AGBL1: variants seen among roughly 807,000 people sequenced by gnomAD.
AGBL1 encodes the protein cytosolic carboxypeptidase 4.
A neutral mutation model predicts 118.9 loss-of-function variants in AGBL1; 130 were observed. That is an observed-to-expected ratio of 1.09 (90% CI 0.95 to 1.26). The LOEUF is 1.26. Among genes scored for constraint, AGBL1 ranks in the 50% most tolerant of loss-of-function variants. AGBL1 has a pLI of 0.00. For synonymous variants in AGBL1, 555 were observed against 478.9 expected (o/e 1.16, Z -2.08); for missense variants, 1,584 against 1,298.1 (o/e 1.22, Z -3.38).
At chr15:86,946,161 T>A (rs1450877273) in intron 23 of AGBL1, 1 of 152,236 alleles carries the variant, frequency 6.6e-6, no homozygotes, top group African/African-American at 2.4e-5. Flanking sequence ...TCACTAATTA[T>A]GATGCAATAT....
chr15:86,847,099 C>G (rs995795734), intron 22 of AGBL1, among the ~76,000 whole-genome samples: 1 of 152,114 alleles, frequency 6.6e-6, no homozygotes, highest in Non-Finnish European at 1.5e-5. Context: ...TTCTTCCACT[C>G]CAGAATTTTT....
Position 86,478,928 on chromosome 15 carries a change from A to G in AGBL1, c.2556-43882A>G, listed in dbSNP as rs369081899. On this transcript the variant is annotated intron_variant, in intron 18 of 22. Transcript: ENST00000614907. The stretch of plus-strand genomic sequence containing the variant: ...CAACAGAGCACTCAGAAAGAATACC[A>G]CACATCTACAACCATCTGATCTTTG... 9.9e-5 allele frequency among the ~76,000 whole-genome samples: 15 copies of G among 152,248 alleles called. No individual in the cohort carries two copies. In the South Asian group the frequency reaches 1.7e-3, roughly 17 times the overall value.
At chr15:86,395,153 C>T (rs1407658281) in intron 17 of AGBL1, among the ~76,000 whole-genome samples, 1 of 152,000 alleles carries the variant, frequency 6.6e-6, no homozygotes, top group African/African-American at 2.4e-5. Flanking sequence ...AGGATGAAGT[C>T]CAAATCCCTA....
intron 5 of AGBL1, among the ~76,000 whole-genome samples, chr15:86,184,745 A>G (rs756627119): frequency 8.5e-5 from 13 of 152,142 alleles, no homozygotes; most frequent in Non-Finnish European, 1.8e-4. Flanking sequence ...CATCCTCATC[A>G]AGCTACCAAT....
At chr15:86,964,383 C>G (rs1332941164) in intron 23 of AGBL1, among the ~76,000 whole-genome samples, 1 of 151,916 alleles carries the variant, frequency 6.6e-6, no homozygotes, top group Non-Finnish European at 1.5e-5. Flanking sequence ...CACTAGATGT[C>G]AGAAGCACAT....
intron 18 of AGBL1, among the ~76,000 whole-genome samples, chr15:86,468,798 A>C (rs1046183128): frequency 1.3e-5 from 2 of 152,188 alleles, no homozygotes; most frequent in African/African-American, 4.8e-5. Flanking sequence ...TAGGATAGAC[A>C]TGAGAGGGGA....
chr15:86,963,078 G>C (rs1368576810), intron 23 of AGBL1, among the ~76,000 whole-genome samples: 1 of 152,050 alleles, frequency 6.6e-6, no homozygotes, highest in East Asian at 1.9e-4. Flanking sequence ...GCCTTGAATA[G>C]GTGACCAGTT....
intron 21 of AGBL1, among the ~76,000 whole-genome samples, chr15:86,671,553 C>T (rs947121717): frequency 2.6e-5 from 4 of 152,142 alleles, no homozygotes; most frequent in African/African-American, 7.2e-5. Context: ...CTACTGTGAA[C>T]CCGTGATAAC....
intron 1 of AGBL1, among the ~76,000 whole-genome samples, chr15:86,113,269 CTTT>C (rs1897538256): frequency 1.3e-5 from 1 of 75,138 alleles, no homozygotes; most frequent in African/African-American, 4.7e-5. Context: ...TTCTTTCTTT[CTTT>C]CTTTTTCTTT....
At chr15:86,418,947 A>G (rs76614860) in intron 18 of AGBL1, among the ~76,000 whole-genome samples, 5,137 of 152,260 alleles carry the variant, frequency 0.034, 117 homozygotes, top group Non-Finnish European at 0.054. Flanking sequence ...ATGCTTTATG[A>G]CACTACATTG....
intron 22 of AGBL1, among the ~76,000 whole-genome samples, chr15:86,876,526 T>A (rs2079811236): frequency 6.6e-6 from 1 of 152,208 alleles, no homozygotes; most frequent in Non-Finnish European, 1.5e-5. Flanking sequence ...TTGGTTGCCA[T>A]GAGTTCTGGG....
chr15:87,027,007 A>T (rs1313382995), intron 24 of AGBL1, among the ~76,000 whole-genome samples: 1 of 151,978 alleles, frequency 6.6e-6, no homozygotes, highest in African/African-American at 2.4e-5. Context: ...AGGGGATGAG[A>T]GATAAAAGAC....
intron 18 of AGBL1, among the ~76,000 whole-genome samples, chr15:86,478,807 G>T (rs1049135474): frequency 4.0e-4 from 61 of 152,278 alleles, no homozygotes; most frequent in African/African-American, 1.4e-3. Context: ...AAAGCTGGAG[G>T]CATCTCACTA....
intron 1 of AGBL1, among the ~76,000 whole-genome samples, chr15:86,121,321 C>T (rs530792774): frequency 6.6e-6 from 1 of 152,274 alleles, no homozygotes; most frequent in African/African-American, 2.4e-5. Context: ...TCTACTTTCC[C>T]AGATATTTTT....
intron 21 of AGBL1, among the ~76,000 whole-genome samples, chr15:86,566,780 A>C (rs2083923028): frequency 6.6e-6 from 1 of 152,214 alleles, no homozygotes; most frequent in Non-Finnish European, 1.5e-5. Flanking sequence ...ACATATATAC[A>C]CAAACATGTA....
chr15:86,455,755 C>G (rs1430580656), intron 18 of AGBL1, among the ~76,000 whole-genome samples: 1 of 152,116 alleles, frequency 6.6e-6, no homozygotes, highest in Non-Finnish European at 1.5e-5. Context: ...TCATCATCAT[C>G]ATTGTCTTAT....
chr15:86,718,952 T>C (rs963032243), intron 22 of AGBL1, among the ~76,000 whole-genome samples: 4 of 152,140 alleles, frequency 2.6e-5, no homozygotes, highest in Non-Finnish European at 5.9e-5. Flanking sequence ...CTGGTACTGC[T>C]AAAAGTTTTG....
chr15:86,459,012 T>C (rs1010130693), intron 18 of AGBL1, among the ~76,000 whole-genome samples: 3 of 152,174 alleles, frequency 2.0e-5, no homozygotes, highest in Non-Finnish European at 4.4e-5. Context: ...TAAAATCTCA[T>C]ACATATCCTC....
At chr15:86,818,561 C>T (rs566289665) in intron 22 of AGBL1, among the ~76,000 whole-genome samples, 3 of 152,118 alleles carry the variant, frequency 2.0e-5, no homozygotes, top group Admixed American at 2.0e-4. Context: ...CAAAGCAGGT[C>T]CTGATGCCAA....
Sources: allele counts gnomAD v4.1 joint callset (sites outside exome capture counted in the v4.1 genomes callset), GRCh38; gene constraint gnomAD v4.1.1; transcripts MANE v1.5; gene names NCBI Gene and HGNC (gene_info 2026-07-23, HGNC 2026-07-21).